FBXO34: variants seen among roughly 807,000 people sequenced by gnomAD.
FBXO34 encodes the protein F-box only protein 34.
In FBXO34, 12 loss-of-function variants were observed where a neutral mutation model predicts 24.5. The observed-to-expected ratio is 0.49, with a 90% CI of 0.31 to 0.79. FBXO34 has a LOEUF of 0.79. FBXO34 is among the 30% of genes least tolerant of loss of function. The pLI is 0.04. For synonymous variants in FBXO34, 320 were observed against 311.9 expected (o/e 1.03, Z -0.27); for missense variants, 823 against 857.7 (o/e 0.96, Z 0.51).
At chr14:55,411,751 C>T in the FBXO34 span, 1 of 1,609,056 alleles carries the variant, frequency 6.2e-7, no homozygotes, top group Middle Eastern at 1.7e-4. Flanking sequence ...CCACCAGGTC[C>T]CGGGCGAGCG....
At position 55,284,311 on chromosome 14, in the gene FBXO34, C is replaced by T. The variant is rs866687315; in HGVS notation, c.-11+12774C>T. ...CATAGATCACCTGAGGTCAGGAGTT[C>T]GAGACCAGCCTGACCAACATGGTGA... On this transcript the variant is annotated intron_variant, in intron 1 of 1. Coordinates refer to ENST00000313833, the MANE Select transcript of FBXO34 (RefSeq NM_017943.4). Among the ~76,000 whole-genome samples, 7 of 152,102 alleles carry T rather than the reference C, an allele frequency of 4.6e-5. No homozygotes were observed. In the South Asian group the frequency reaches 1.5e-3, roughly 32 times the overall value.
At chr14:55,298,051 A>C (rs1186238090) in intron 1 of FBXO34, among the ~76,000 whole-genome samples, 1 of 152,160 alleles carries the variant, frequency 6.6e-6, no homozygotes, top group Non-Finnish European at 1.5e-5. Flanking sequence ...TAAGTGGAGG[A>C]ACATTGTTGA....
chr14:55,322,356 AAAG>A (rs1279623372), intron 1 of FBXO34, among the ~76,000 whole-genome samples: 1 of 152,004 alleles, frequency 6.6e-6, no homozygotes, highest in East Asian at 1.9e-4. Flanking sequence ...AACAACAAAA[AAAG>A]ACATCTTTCT....
At chr14:55,441,201 C>T in the FBXO34 span, among the ~76,000 whole-genome samples, 79,183 of 151,846 alleles carry the variant, frequency 0.52, 20,791 homozygotes, top group East Asian at 0.65. Flanking sequence ...GGCTGGAGTG[C>T]GGTGACAGGC....
chr14:55,278,671 T>C (rs1365760333), intron 1 of FBXO34, among the ~76,000 whole-genome samples: 1 of 152,212 alleles, frequency 6.6e-6, no homozygotes, highest in African/African-American at 2.4e-5. Context: ...TAAAAGTATT[T>C]TAAAAAATTG....
the FBXO34 span, among the ~76,000 whole-genome samples, chr14:55,402,987 G>T: frequency 1.8e-5 from 2 of 110,398 alleles, no homozygotes; most frequent in Non-Finnish European, 3.5e-5. Flanking sequence ...GGGCATAGTG[G>T]TGCATGGCTA....
intron 1 of FBXO34, among the ~76,000 whole-genome samples, chr14:55,341,491 A>G (rs1195608743): frequency 6.6e-6 from 1 of 152,254 alleles, no homozygotes; most frequent in East Asian, 1.9e-4. Context: ...GTGGTTTGCT[A>G]TGCAAAGGGA....
chr14:55,290,390 C>CA lies in FBXO34; in HGVS notation c.-11+18865dup, dbSNP rs140347127. On this transcript the variant is annotated intron_variant, in intron 1 of 1. Coordinates refer to ENST00000313833, the MANE Select transcript of FBXO34 (RefSeq NM_017943.4). ...CTGGGGGCAAGAGTGAGACTTCTCT[C>CA]AAAAAAAAAAAATAAATAAAATAAA... 3.1e-3 allele frequency among the ~76,000 whole-genome samples: 422 copies of CA among 135,466 alleles called. 1 individual carries two copies. Among genetic ancestry groups the CA allele is most frequent in the Middle Eastern group, 8.1e-3 (2 of 246 alleles). 88.9% of individuals were successfully genotyped at this position (135,466 alleles called of 152,430 possible).
At chr14:55,424,397 A>T in the FBXO34 span, 1 of 563,396 alleles carries the variant, frequency 1.8e-6, no homozygotes, top group Admixed American at 3.1e-5. Flanking sequence ...AACTATCTTG[A>T]TGAAGAGTCT....
the FBXO34 span, among the ~76,000 whole-genome samples, chr14:55,396,683 C>T: frequency 6.6e-6 from 1 of 152,130 alleles, no homozygotes; most frequent in Non-Finnish European, 1.5e-5. Flanking sequence ...AGAGGAAAAG[C>T]ACTGAGGTAA....
At chr14:55,401,260 T>C in the FBXO34 span, among the ~76,000 whole-genome samples, 1 of 147,594 alleles carries the variant, frequency 6.8e-6, no homozygotes, top group Admixed American at 6.6e-5. Flanking sequence ...TCCAATTTTT[T>C]ATAGTTTTTT....
downstream of FBXO34, among the ~76,000 whole-genome samples, chr14:55,355,675 A>T (rs1220126929): frequency 1.3e-5 from 2 of 152,224 alleles, no homozygotes; most frequent in African/African-American, 4.8e-5. Flanking sequence ...GCCATTTTCC[A>T]TCAGAGACTT....
At chr14:55,406,734 A>C in the FBXO34 span, among the ~76,000 whole-genome samples, 1 of 152,218 alleles carries the variant, frequency 6.6e-6, no homozygotes, top group Non-Finnish European at 1.5e-5. Flanking sequence ...TATTCTTCTT[A>C]AAGCACATAG....
At chr14:55,402,926 A>AAAAT in the FBXO34 span, among the ~76,000 whole-genome samples, 2 of 16,402 alleles carry the variant, frequency 1.2e-4, no homozygotes, top group Non-Finnish European at 2.1e-4. Flanking sequence ...AAAAAAAAAA[A>AAAAT]ATATATATAT....
chr14:55,419,199 A>G, the FBXO34 span, among the ~76,000 whole-genome samples: 4 of 152,248 alleles, frequency 2.6e-5, no homozygotes, highest in Admixed American at 1.3e-4. Flanking sequence ...CTGGCTCCTC[A>G]CATGCCTGTT....
At chr14:55,312,390 C>T (rs1238416250) in intron 1 of FBXO34, among the ~76,000 whole-genome samples, 2 of 152,114 alleles carry the variant, frequency 1.3e-5, no homozygotes, top group Non-Finnish European at 2.9e-5. Context: ...TTTCTAGAAG[C>T]ACGGTACAAG....
intron 1 of FBXO34, among the ~76,000 whole-genome samples, chr14:55,301,842 T>TCA (rs951893511): frequency 6.6e-6 from 1 of 152,068 alleles, no homozygotes; most frequent in Admixed American, 6.5e-5. Flanking sequence ...AACAGATGAG[T>TCA]CATGTCATGT....
At chr14:55,380,467 T>C in the FBXO34 span, 3 of 730,694 alleles carry the variant, frequency 4.1e-6, no homozygotes, top group Non-Finnish European at 7.0e-6. Context: ...TTCTCTGTCT[T>C]GGTAATACTT....
chr14:55,293,422 T>C (rs370276159), intron 1 of FBXO34, among the ~76,000 whole-genome samples: 2 of 152,004 alleles, frequency 1.3e-5, no homozygotes, highest in Admixed American at 1.3e-4. Context: ...ACCTCAAGGG[T>C]TCTTCCTACC....
Sources: allele counts gnomAD v4.1 joint callset (sites outside exome capture counted in the v4.1 genomes callset), GRCh38; gene constraint gnomAD v4.1.1; transcripts MANE v1.5; gene names NCBI Gene and HGNC (gene_info 2026-07-23, HGNC 2026-07-21).